PLCZ1: variants seen among roughly 807,000 people sequenced by gnomAD.
PLCZ1 encodes phospholipase C zeta 1, also known as 1-phosphatidylinositol 4,5-bisphosphate phosphodiesterase zeta-1.
PLCZ1 carries 64 observed loss-of-function variants against 76.8 expected under a neutral mutation model. The observed-to-expected ratio is 0.83, with a 90% CI of 0.68 to 1.03. The LOEUF (loss-of-function observed/expected upper bound fraction) is 1.03. PLCZ1 is among the 50% of genes least tolerant of loss of function. The pLI, the probability that PLCZ1 is intolerant of heterozygous loss-of-function variation, is 0.00. For synonymous variants in PLCZ1, 248 were observed against 230.8 expected (o/e 1.07, Z -0.68); for missense variants, 751 against 713.7 (o/e 1.05, Z -0.60).
chr12:18,650,327 C>A, the PLCZ1 span, among the ~76,000 whole-genome samples: 24,927 of 76,806 alleles, frequency 0.32, 3,291 homozygotes, highest in East Asian at 0.4. Flanking sequence ...CTCTCTCTCT[C>A]TCTCTATATA....
At chr12:18,708,564 T>C (rs117960302) in intron 6 of PLCZ1, among the ~76,000 whole-genome samples, 2,503 of 152,270 alleles carry the variant, frequency 0.016, 24 homozygotes, top group Non-Finnish European at 0.024. Flanking sequence ...CTCTATTTTT[T>C]ATTTCTTTAG....
At chr12:18,693,809 G>A in intron 12 of PLCZ1, 1 of 1,521,624 alleles carries the variant, frequency 6.6e-7, no homozygotes. Flanking sequence ...TATCAGACCA[G>A]GCCGCATTGG....
chr12:18,661,457 A>C, the PLCZ1 span, among the ~76,000 whole-genome samples: 1 of 152,216 alleles, frequency 6.6e-6, no homozygotes, highest in East Asian at 1.9e-4. Context: ...TTATATATTT[A>C]AAGTGCTAAA....
At chr12:18,710,791 C>G (rs994823790) in intron 6 of PLCZ1, among the ~76,000 whole-genome samples, 4 of 152,152 alleles carry the variant, frequency 2.6e-5, no homozygotes, top group African/African-American at 4.8e-5. Context: ...AAATGCTCAT[C>G]ATCACTGGCC....
chr12:18,699,039 T>A (rs1955517523), intron 10 of PLCZ1, among the ~76,000 whole-genome samples: 2 of 152,200 alleles, frequency 1.3e-5, no homozygotes, highest in South Asian at 4.1e-4. Flanking sequence ...GTCTTCTTTC[T>A]ATTCTCTTTC....
chr12:18,647,895 C>A, the PLCZ1 span: 1 of 1,564,024 alleles, frequency 6.4e-7, no homozygotes, highest in Non-Finnish European at 8.7e-7. Flanking sequence ...GATGAAGTCA[C>A]AGAGCTCCAA....
chr12:18,645,965 T>C, the PLCZ1 span, among the ~76,000 whole-genome samples: 2 of 152,146 alleles, frequency 1.3e-5, no homozygotes, highest in Non-Finnish European at 2.9e-5. Flanking sequence ...CTGAACATGA[T>C]GTAGGAAGAA....
At chr12:18,680,040 A>T (rs764139528), downstream of PLCZ1, among the ~76,000 whole-genome samples, 4 of 152,028 alleles carry the variant, frequency 2.6e-5, no homozygotes, top group Non-Finnish European at 5.9e-5. Flanking sequence ...AGAATGCATC[A>T]TAAGAACCCT....
At chr12:18,693,255 A>T in intron 12 of PLCZ1, 1 of 1,541,642 alleles carries the variant, frequency 6.5e-7, no homozygotes, top group Non-Finnish European at 9.0e-7. Context: ...GCATACCATG[A>T]TAGGGGTGCT....
chr12:18,648,654 A>G, the PLCZ1 span, among the ~76,000 whole-genome samples: 1 of 152,094 alleles, frequency 6.6e-6, no homozygotes, highest in Non-Finnish European at 1.5e-5. Context: ...TCTGCCACCC[A>G]GAGGCACGAT....
chr12:18,658,230 A>G, the PLCZ1 span, among the ~76,000 whole-genome samples: 39 of 152,276 alleles, frequency 2.6e-4, no homozygotes, highest in African/African-American at 9.1e-4. Context: ...TTTGCATATT[A>G]GGCATCCCAG....
intron 5 of PLCZ1, among the ~76,000 whole-genome samples, chr12:18,716,129 T>G (rs747243251): frequency 6.6e-6 from 1 of 152,194 alleles, no homozygotes; most frequent in Non-Finnish European, 1.5e-5. Context: ...TATGGAAGAA[T>G]GTTTGCTTTC....
chr12:18,665,179 A>T, the PLCZ1 span, among the ~76,000 whole-genome samples: 26 of 150,002 alleles, frequency 1.7e-4, no homozygotes, highest in Non-Finnish European at 1.8e-4. Context: ...ATAAAAAAAA[A>T]TTAAAAAAAA....
intron 12 of PLCZ1, among the ~76,000 whole-genome samples, chr12:18,689,035 T>G (rs1344656335): frequency 6.6e-6 from 1 of 152,076 alleles, no homozygotes; most frequent in African/African-American, 2.4e-5. Context: ...TAATGTGTGA[T>G]TTTTCCTAAT....
the PLCZ1 span, among the ~76,000 whole-genome samples, chr12:18,677,135 A>G: frequency 6.6e-6 from 1 of 152,116 alleles, no homozygotes; most frequent in Non-Finnish European, 1.5e-5. Flanking sequence ...AGTCTGTATC[A>G]GGGCTTTGGC....
At chr12:18,699,212 T>C (rs1485587020) in intron 10 of PLCZ1, among the ~76,000 whole-genome samples, 1 of 152,120 alleles carries the variant, frequency 6.6e-6, no homozygotes, top group Non-Finnish European at 1.5e-5. Context: ...CTGGGCGCCA[T>C]TTCTTCCCCT....
In PLCZ1 at chr12:18,727,350, A is replaced by AT. The variant is rs148908230; in HGVS notation, c.136-3809dup. Among the ~76,000 whole-genome samples, 1,183 of 152,140 alleles carry AT rather than the reference A, an allele frequency of 7.8e-3. 16 individuals carry two copies. The highest frequency in any genetic ancestry group is 0.028 in the African/African-American group (1,143 of 41,512). ...GTGACAGAGCAAGACCTTTTCTCTA[A>AT]TTTTTTTAACATTTTAAAAATAAAA... On this transcript the variant is annotated intron_variant, in intron 3 of 14. Transcript: ENST00000266505.
chr12:18,701,835 A>T (rs987379837), intron 7 of PLCZ1, 59 bp from the exon 8 acceptor site: 39 of 1,545,614 alleles, frequency 2.5e-5, no homozygotes, highest in Non-Finnish European at 3.3e-5. Context: ...GCATTGTAAC[A>T]GTCACTGAAA....
At chr12:18,679,739 T>C (rs1466148080), downstream of PLCZ1, among the ~76,000 whole-genome samples, 1 of 151,928 alleles carries the variant, frequency 6.6e-6, no homozygotes, top group East Asian at 1.9e-4. Context: ...GCGAGAAGAA[T>C]GGAAAAGATG....
Sources: gnomAD v4.1 joint callset for allele counts (sites outside exome capture counted in the v4.1 genomes callset) on GRCh38, gnomAD v4.1.1 for gene constraint, MANE v1.5 for transcripts, NCBI Gene and HGNC (gene_info 2026-07-23, HGNC 2026-07-21) for gene names.